Variants in DMRT1 observed in about 807,000 individuals in gnomAD.
DMRT1 encodes doublesex and mab-3 related transcription factor 1.
Under a neutral mutation model 32.3 loss-of-function variants are expected in DMRT1, and 7 were observed. The observed-to-expected ratio is 0.22, with a 90% CI of 0.12 to 0.41. DMRT1 has a LOEUF of 0.41. Ranked by LOEUF, DMRT1 falls within the 10% of genes least tolerant of loss-of-function variation. The pLI, the probability that DMRT1 is intolerant of heterozygous loss-of-function variation, is 1.00. For synonymous variants in DMRT1, 278 were observed against 206.1 expected, an observed-to-expected ratio of 1.35 and a Z score of -2.99; for missense variants, 625 against 500.5, an observed-to-expected ratio of 1.25 and a Z score of -2.37.
intron 2 of DMRT1, among the ~76,000 whole-genome samples, chr9:880,613 C>A (rs1816692822): frequency 1.3e-5 from 2 of 151,376 alleles, no homozygotes; most frequent in Admixed American, 1.3e-4. Context: ...GTAATCCCAG[C>A]CATTCAGGAG....
chr9:861,823 GA>G (rs1815703026), intron 2 of DMRT1, among the ~76,000 whole-genome samples: 1 of 144,852 alleles, frequency 6.9e-6, no homozygotes, highest in Non-Finnish European at 1.5e-5. Context: ...GGCTCCTTCA[GA>G]CGGGGCGGCC....
intron 2 of DMRT1, among the ~76,000 whole-genome samples, chr9:864,017 C>T (rs1815847533): frequency 6.6e-6 from 1 of 151,988 alleles, no homozygotes; most frequent in Non-Finnish European, 1.5e-5. Context: ...GGGGGACAGA[C>T]TGCGGGGTGA....
intron 4 of DMRT1, among the ~76,000 whole-genome samples, chr9:961,399 T>C (rs1819768920): frequency 6.6e-6 from 1 of 152,174 alleles, no homozygotes. Context: ...TTCCCAACTT[T>C]TAGGACAAAC....
chr9:950,130 A>G (rs550368096), intron 4 of DMRT1, among the ~76,000 whole-genome samples: 1 of 152,102 alleles, frequency 6.6e-6, no homozygotes, highest in East Asian at 1.9e-4. Context: ...TTCTGCTTGG[A>G]AAGTGGAAAG....
At chr9:843,327 G>C (rs1022454602) in intron 1 of DMRT1, among the ~76,000 whole-genome samples, 7 of 152,224 alleles carry the variant, frequency 4.6e-5, no homozygotes, top group African/African-American at 7.2e-5. Context: ...CGCCTGGGGC[G>C]CTTTTTGTCT....
chr9:895,596 A>G (rs1015286431), intron 3 of DMRT1, among the ~76,000 whole-genome samples: 8 of 152,168 alleles, frequency 5.3e-5, no homozygotes, highest in South Asian at 2.1e-4. Context: ...ATGATTTGAT[A>G]TATGTGTACC....
chr9:843,790 A>G lies in DMRT1; in HGVS notation c.354+1598A>G, dbSNP rs565869661. 1.2e-4 allele frequency among the ~76,000 whole-genome samples: 18 copies of G among 152,358 alleles called. No individual in the cohort carries two copies. In the South Asian group the frequency reaches 3.3e-3, roughly 28 times the overall value. On this transcript the variant is annotated intron_variant, in intron 1 of 4. Coordinates refer to ENST00000382276, the MANE Select transcript of DMRT1 (RefSeq NM_021951.3). ...TTGAAAACAAATGCCCGAAGGTTATATGCTTTTATATAATATATCAGATTT... is the reference window on the plus strand; with the variant it reads ...TTGAAAACAAATGCCCGAAGGTTATGTGCTTTTATATAATATATCAGATTT...
intron 3 of DMRT1, among the ~76,000 whole-genome samples, chr9:901,607 G>A (rs968007830): frequency 2.6e-5 from 4 of 152,158 alleles, no homozygotes; most frequent in Admixed American, 6.5e-5. Flanking sequence ...GATTATAGGC[G>A]GGAGCCACCG....
rs775308239 is a variant in DMRT1, at chr9:894,168, G to C, written c.795G>C (p.Val265=). 1.4e-5 allele frequency: 23 copies of C among 1,613,774 alleles called. No individual in the cohort carries two copies. The highest frequency in any genetic ancestry group is 1.9e-5 in the Non-Finnish European group (22 of 1,180,062). ...NSLRGLPGPY[V]PGQTGNQWQM... is the part of the protein sequence containing the mutation. ...TTCGGGGCCTCCCCGGACCTTATGT[G>C]CCTGGTCAGACAGGAAACCAGTGGC... Residue 265 remains valine (V), a synonymous_variant, in exon 3 of 5, where the codon GTG becomes GTC. Transcript: ENST00000382276.
chr9:943,770 G>C (rs971483283), intron 4 of DMRT1, among the ~76,000 whole-genome samples: 4 of 152,180 alleles, frequency 2.6e-5, no homozygotes, highest in African/African-American at 9.7e-5. Flanking sequence ...CCATTCTCAA[G>C]AGGATTTATT....
At chr9:851,164 T>A (rs1252809216) in intron 2 of DMRT1, among the ~76,000 whole-genome samples, 2 of 152,184 alleles carry the variant, frequency 1.3e-5, no homozygotes, top group East Asian at 3.9e-4. Context: ...GGCAAGTTGC[T>A]AACTTTCTAC....
chr9:915,950 A>G (rs188313940), intron 3 of DMRT1, among the ~76,000 whole-genome samples: 3 of 152,062 alleles, frequency 2.0e-5, no homozygotes, highest in East Asian at 1.9e-4. Flanking sequence ...AGCCAGGATG[A>G]TCTCGATTTC....
intron 4 of DMRT1, among the ~76,000 whole-genome samples, chr9:952,244 G>A (rs370245519): frequency 2.0e-5 from 3 of 152,166 alleles, no homozygotes; most frequent in Non-Finnish European, 2.9e-5. Context: ...TGTGAATTAC[G>A]TAACCAAATT....
intron 2 of DMRT1, among the ~76,000 whole-genome samples, chr9:855,239 A>G (rs1815347372): frequency 6.6e-6 from 1 of 152,222 alleles, no homozygotes; most frequent in Non-Finnish European, 1.5e-5. Flanking sequence ...GAAGTAACCT[A>G]CTTGTCTACC....
At chr9:920,776 A>G (rs929328669) in intron 4 of DMRT1, among the ~76,000 whole-genome samples, 4 of 152,152 alleles carry the variant, frequency 2.6e-5, no homozygotes, top group African/African-American at 7.2e-5. Context: ...GGAGGGCACA[A>G]TTGCTGTAGG....
chr9:859,816 A>T (rs1382802393), intron 2 of DMRT1, among the ~76,000 whole-genome samples: 1 of 152,186 alleles, frequency 6.6e-6, no homozygotes, highest in Non-Finnish European at 1.5e-5. Flanking sequence ...AAAAGAAAAT[A>T]ATCAATTCAG....
chr9:935,443 T>C (rs1463739222), intron 4 of DMRT1, among the ~76,000 whole-genome samples: 3 of 152,214 alleles, frequency 2.0e-5, no homozygotes, highest in African/African-American at 7.2e-5. Flanking sequence ...GAGAGTGTAA[T>C]TGCCGGAGGG....
chr9:910,604 AAC>A (rs1176088793), intron 3 of DMRT1, among the ~76,000 whole-genome samples: 2 of 152,004 alleles, frequency 1.3e-5, no homozygotes, highest in African/African-American at 4.8e-5. Context: ...TAGGGTGGCT[AAC>A]ACGTATAAAA....
chr9:878,992 T>C (rs1168050684), intron 2 of DMRT1, among the ~76,000 whole-genome samples: 1 of 152,178 alleles, frequency 6.6e-6, no homozygotes, highest in Non-Finnish European at 1.5e-5. Context: ...TATTGTGTCA[T>C]TCTTAATGCC....
Sources: allele counts gnomAD v4.1 joint callset (sites outside exome capture counted in the v4.1 genomes callset), GRCh38; gene constraint gnomAD v4.1.1; transcripts MANE v1.5; gene names NCBI Gene and HGNC (gene_info 2026-07-23, HGNC 2026-07-21).